DYNC2H1: variants seen among roughly 807,000 people sequenced by gnomAD.
DYNC2H1 encodes the protein dynein cytoplasmic 2 heavy chain 1.
DYNC2H1 carries 410 observed loss-of-function variants against 570.0 expected under a neutral mutation model. That is an observed-to-expected ratio of 0.72 (90% CI 0.66 to 0.78). The LOEUF is 0.78. DYNC2H1 is among the 30% of genes least tolerant of loss of function. The probability of loss-of-function intolerance (pLI) is 0.00; values close to 1 mark genes in which losing one functional copy is unlikely to be tolerated. For missense variants in DYNC2H1, 4,865 were observed against 5,046.4 expected, an observed-to-expected ratio of 0.96 and a Z score of 1.09; for synonymous variants, 1,688 against 1,677.6, an observed-to-expected ratio of 1.01 and a Z score of -0.15.
chr11:103,390,821 G>A (rs1445214050), intron 83 of DYNC2H1, among the ~76,000 whole-genome samples: 2 of 152,146 alleles, frequency 1.3e-5, no homozygotes, highest in Non-Finnish European at 2.9e-5. Context: ...GTTGAATATT[G>A]GCCCCCACTC....
chr11:103,425,304 T>A (rs563720056), intron 84 of DYNC2H1, among the ~76,000 whole-genome samples: 2 of 152,280 alleles, frequency 1.3e-5, no homozygotes, highest in South Asian at 4.1e-4. Context: ...GCTTAAACAT[T>A]TATTTCTTAC....
rs10570242 is a variant in DYNC2H1 at position 103,461,726 on chromosome 11, G to GT, written c.12648+5382dup. 3.9e-4 allele frequency among the ~76,000 whole-genome samples: 59 copies of GT among 149,876 alleles called. No individual in the cohort carries two copies. Among genetic ancestry groups the GT allele is most frequent in the East Asian group, 7.9e-4 (4 of 5,088 alleles). ...ATGTAAACATCCTTTGGTCTTCAAG[G>GT]TTTTTTTTTTTTAATAATGTTTAAT... On this transcript the variant is annotated intron_variant, in intron 87 of 88. Coordinates refer to ENST00000375735, the MANE Select transcript of DYNC2H1 (RefSeq NM_001377.3). The surrounding 1 kb of genome is among the most constrained non-coding windows in gnomAD (Gnocchi z 4.8).
chr11:103,164,029 T>A (rs1299179514), intron 30 of DYNC2H1, among the ~76,000 whole-genome samples: 1 of 152,212 alleles, frequency 6.6e-6, no homozygotes, highest in African/African-American at 2.4e-5. Context: ...AAGCTCAAAT[T>A]CTTAGAGAAA....
chr11:103,399,827 G>A lies in DYNC2H1; in HGVS notation c.12321G>A (p.Leu4107=). Residue 4107 remains leucine (L), a synonymous_variant, in exon 84 of 89, where the codon CTG becomes CTA. Coordinates refer to ENST00000375735, the MANE Select transcript of DYNC2H1 (RefSeq NM_001377.3). ...AAGTCATCAGAGGAACTACTTTACT[G>A]AGTTCAGAAGTACAAAAATTGGCAA... ...LSKVIRGTTL[L]SSEVQKLASA... 1 of 1,613,934 alleles carries A rather than the reference G, an allele frequency of 6.2e-7. No individual in the cohort carries two copies. The highest frequency in any genetic ancestry group is 2.2e-5 in the East Asian group (1 of 44,856).
At chr11:103,428,298 C>T (rs1354517724) in intron 84 of DYNC2H1, among the ~76,000 whole-genome samples, 1 of 102,226 alleles carries the variant, frequency 9.8e-6, no homozygotes, top group Non-Finnish European at 1.9e-5. Flanking sequence ...ATTTATTGCC[C>T]ACCTACCATG....
At position 103,334,751 on chromosome 11, in the gene DYNC2H1, T is replaced by G. The variant is rs1344843837; in HGVS notation, c.12039+10761T>G. On this transcript the variant is annotated intron_variant, in intron 82 of 88. Coordinates refer to ENST00000375735, the MANE Select transcript of DYNC2H1 (RefSeq NM_001377.3). This position sits in a 1 kb window ranked among gnomAD's most constrained non-coding sequence, Gnocchi z 4.3. ...TCTTAATAATTAAAGTAGAGAGGAT[T>G]TTTGTTTCATGATAGAATTGACTGC... is the stretch of plus-strand genomic sequence containing the variant. Among the ~76,000 whole-genome samples the G allele has an allele frequency of 6.6e-6, 1 of 152,096 alleles. No homozygotes were observed. Among genetic ancestry groups the G allele is most frequent in the South Asian group, 2.1e-4 (1 of 4,830 alleles).
intron 63 of DYNC2H1, among the ~76,000 whole-genome samples, chr11:103,236,891 T>C (rs1399450483): frequency 6.6e-6 from 1 of 152,040 alleles, no homozygotes; most frequent in Non-Finnish European, 1.5e-5. Flanking sequence ...TTTATGTTTT[T>C]ATTTCATTTT....
At chr11:103,456,408 T>C (rs1240569460) in intron 87 of DYNC2H1, 52 bp downstream of exon 87, 13 of 1,434,560 alleles carry the variant, frequency 9.1e-6, no homozygotes, top group African/African-American at 1.4e-5. Flanking sequence ...CCAACTGATA[T>C]AAGAGATTCT....
intron 87 of DYNC2H1, among the ~76,000 whole-genome samples, chr11:103,459,097 C>G (rs1202566007): frequency 6.6e-6 from 1 of 151,308 alleles, no homozygotes; most frequent in Admixed American, 6.6e-5. Flanking sequence ...ATCACGAGGT[C>G]AGGAGATCGA....
chr11:103,335,392 G>A (rs1939063425), intron 82 of DYNC2H1, among the ~76,000 whole-genome samples: 1 of 152,010 alleles, frequency 6.6e-6, no homozygotes, highest in South Asian at 2.1e-4. Flanking sequence ...GCTTCTACTA[G>A]TTTCAAAAGT....
At chr11:103,386,129 A>G (rs1941859528) in intron 83 of DYNC2H1, among the ~76,000 whole-genome samples, 3 of 152,198 alleles carry the variant, frequency 2.0e-5, no homozygotes, top group African/African-American at 7.2e-5. Flanking sequence ...ATTTAAGAAT[A>G]TGCTTTAATA....
intron 70 of DYNC2H1, among the ~76,000 whole-genome samples, chr11:103,279,030 T>G (rs988499379): frequency 2.0e-5 from 3 of 152,202 alleles, no homozygotes; most frequent in African/African-American, 7.2e-5. Context: ...ATTCTTCCCA[T>G]AAATGGAAAC....
At chr11:103,210,442 ATTAAC>A (rs150806419) in intron 53 of DYNC2H1, among the ~76,000 whole-genome samples, 2,581 of 152,110 alleles carry the variant, frequency 0.017, 35 homozygotes, top group Non-Finnish European at 0.026. Flanking sequence ...ACCATAGCTT[ATTAAC>A]TTATTTATTT....
chr11:103,359,966 A>G (rs1273969675), intron 83 of DYNC2H1, among the ~76,000 whole-genome samples: 1 of 152,050 alleles, frequency 6.6e-6, no homozygotes, highest in Non-Finnish European at 1.5e-5. Flanking sequence ...CGCCCAGCCC[A>G]AACCCTCATT....
intron 79 of DYNC2H1, among the ~76,000 whole-genome samples, chr11:103,315,919 A>AATAT (rs200224196): frequency 6.6e-6 from 1 of 151,944 alleles, no homozygotes; most frequent in Admixed American, 6.6e-5. Context: ...AGTATTCCTA[A>AATAT]TATCCAAGTC....
Position 103,254,567 on chromosome 11 carries a change from A to G in DYNC2H1, c.10207-848A>G, listed in dbSNP as rs1327474854. On this transcript the variant is annotated intron_variant, in intron 66 of 88. Coordinates refer to ENST00000375735, the MANE Select transcript of DYNC2H1 (RefSeq NM_001377.3). The surrounding 1 kb of genome is among the most constrained non-coding windows in gnomAD (Gnocchi z 4.9). Reference sequence around the variant, plus strand: ...AATTGCTGGGTCTTATGGTTACTTTATATTTGGCAATTTGAGAAACAAATC... The same window carrying G: ...AATTGCTGGGTCTTATGGTTACTTTGTATTTGGCAATTTGAGAAACAAATC... Among the ~76,000 whole-genome samples the G allele has an allele frequency of 2.0e-5, 3 of 152,148 alleles. No homozygotes were observed. The highest frequency in any genetic ancestry group is 2.0e-4 in the Admixed American group (3 of 15,272).
At chr11:103,306,266 C>T (rs532468950) in intron 77 of DYNC2H1, among the ~76,000 whole-genome samples, 1 of 152,316 alleles carries the variant, frequency 6.6e-6, no homozygotes, top group Admixed American at 6.5e-5. Flanking sequence ...AATACTTGTA[C>T]TGCTTTCTGT....
intron 83 of DYNC2H1, among the ~76,000 whole-genome samples, chr11:103,385,320 C>A (rs887647166): frequency 6.6e-6 from 1 of 152,060 alleles, no homozygotes; most frequent in African/African-American, 2.4e-5. Context: ...ACCTTTCTCT[C>A]TCTGTTCATC....
At chr11:103,336,704 A>G (rs1288499817) in intron 82 of DYNC2H1, among the ~76,000 whole-genome samples, 1 of 152,130 alleles carries the variant, frequency 6.6e-6, no homozygotes. Flanking sequence ...TTATCCATTC[A>G]TCTGTTGATG....
Sources: gnomAD v4.1 joint callset for allele counts (sites outside exome capture counted in the v4.1 genomes callset) on GRCh38, gnomAD v4.1.1 for gene constraint, Gnocchi (gnomAD v3.1) non-coding constraint, MANE v1.5 for transcripts, NCBI Gene and HGNC (gene_info 2026-07-23, HGNC 2026-07-21) for gene names.